The following MARCHF1 variants were observed in gnomAD, a reference collection of about 807,000 sequenced individuals.
The protein encoded by MARCHF1 is membrane associated ring-CH-type finger 1.
In MARCHF1, 40 loss-of-function variants were observed where a neutral mutation model predicts 54.2. The ratio of observed to expected loss-of-function variants is 0.74; its 90% CI spans 0.57 to 0.96. The LOEUF is 0.96. Among genes scored for constraint, MARCHF1 ranks in the 40% least tolerant of loss-of-function variants. The pLI is 0.00. For synonymous variants in MARCHF1, 236 were observed against 236.3 expected, an observed-to-expected ratio of 1.00 and a Z score of 0.01; for missense variants, 586 against 656.5, an observed-to-expected ratio of 0.89 and a Z score of 1.17.
intron 1 of MARCHF1, among the ~76,000 whole-genome samples, chr4:164,272,688 TATC>T (rs1733772189): frequency 6.6e-6 from 1 of 151,932 alleles, no homozygotes; most frequent in African/African-American, 2.4e-5. Flanking sequence ...AAAAAAATAG[TATC>T]ATATTCTTTA....
intron 1 of MARCHF1, among the ~76,000 whole-genome samples, chr4:164,230,496 G>C (rs1410125484): frequency 1.4e-5 from 2 of 140,062 alleles, no homozygotes; most frequent in East Asian, 2.0e-4. Context: ...CAGAGTAATT[G>C]AGATAACCAT....
At chr4:163,551,774 C>A (rs937414136) in intron 8 of MARCHF1, among the ~76,000 whole-genome samples, 2 of 152,126 alleles carry the variant, frequency 1.3e-5, no homozygotes, top group Non-Finnish European at 2.9e-5. Context: ...ATAAGTCTCA[C>A]GAGATCTGAT....
chr4:164,224,171 A>G (rs1732187108), intron 1 of MARCHF1, among the ~76,000 whole-genome samples: 1 of 151,476 alleles, frequency 6.6e-6, no homozygotes, highest in African/African-American at 2.4e-5. Context: ...TATTTTACAC[A>G]ATTCTATTTT....
chr4:163,824,878 G>GA (rs1748803018), intron 4 of MARCHF1, among the ~76,000 whole-genome samples: 1 of 136,104 alleles, frequency 7.3e-6, no homozygotes, highest in South Asian at 2.7e-4. Flanking sequence ...CAGCCAAAAA[G>GA]CACATGAAAA....
intron 5 of MARCHF1, among the ~76,000 whole-genome samples, chr4:163,700,236 G>A (rs898778722): frequency 6.6e-6 from 1 of 152,086 alleles, no homozygotes; most frequent in Non-Finnish European, 1.5e-5. Context: ...GCCAGACATG[G>A]TGGCTCACTC....
intron 8 of MARCHF1, among the ~76,000 whole-genome samples, chr4:163,575,567 G>A (rs1740008371): frequency 6.6e-6 from 1 of 152,036 alleles, no homozygotes; most frequent in South Asian, 2.1e-4. Context: ...TGGCTTCATA[G>A]AATGAGTTGG....
intron 1 of MARCHF1, among the ~76,000 whole-genome samples, chr4:164,362,203 T>C (rs1225711679): frequency 6.6e-6 from 1 of 152,168 alleles, no homozygotes; most frequent in African/African-American, 2.4e-5. Context: ...ATCTAAAACC[T>C]ACAGACATTT....
At chr4:163,773,973 T>C (rs1747233276) in intron 4 of MARCHF1, among the ~76,000 whole-genome samples, 1 of 151,968 alleles carries the variant, frequency 6.6e-6, no homozygotes, top group African/African-American at 2.4e-5. Context: ...CTGTTTTTTA[T>C]GCTTTTTGTT....
intron 8 of MARCHF1, among the ~76,000 whole-genome samples, chr4:163,566,949 A>G (rs915027642): frequency 1.3e-5 from 2 of 152,164 alleles, no homozygotes; most frequent in Non-Finnish European, 2.9e-5. Context: ...ACGTTCTTCT[A>G]CCTTATAAGT....
intron 1 of MARCHF1, among the ~76,000 whole-genome samples, chr4:164,261,328 C>T (rs1733457974): frequency 6.6e-6 from 1 of 152,094 alleles, no homozygotes; most frequent in Non-Finnish European, 1.5e-5. Context: ...TGATCATTGT[C>T]TCCAATTTCC....
chr4:164,132,184 C>T (rs555275155), intron 1 of MARCHF1, among the ~76,000 whole-genome samples: 5 of 152,104 alleles, frequency 3.3e-5, no homozygotes, highest in Admixed American at 6.6e-5. Context: ...TCTCCCTCCC[C>T]GTCTTCCTTC....
At chr4:163,917,949 T>C (rs113206845) in intron 3 of MARCHF1, among the ~76,000 whole-genome samples, 16,196 of 152,224 alleles carry the variant, frequency 0.11, 911 homozygotes, top group Non-Finnish European at 0.13. Flanking sequence ...TTTGGTGATT[T>C]CATCATGAAA....
At chr4:163,719,142 T>C (rs1177772124) in intron 4 of MARCHF1, among the ~76,000 whole-genome samples, 2 of 152,094 alleles carry the variant, frequency 1.3e-5, no homozygotes, top group Non-Finnish European at 2.9e-5. Context: ...TAACTCGTCA[T>C]GTACATTAGG....
intron 1 of MARCHF1, among the ~76,000 whole-genome samples, chr4:164,272,514 G>A (rs757349642): frequency 3.9e-5 from 6 of 151,980 alleles, no homozygotes; most frequent in Non-Finnish European, 5.9e-5. Context: ...AGAAGCTGAA[G>A]AAGAATATAT....
intron 1 of MARCHF1, among the ~76,000 whole-genome samples, chr4:164,213,136 G>GT (rs1731824075): frequency 6.6e-6 from 1 of 151,472 alleles, no homozygotes. Context: ...AGTGCCTATT[G>GT]TAAGTAATTC....
intron 5 of MARCHF1, among the ~76,000 whole-genome samples, chr4:163,689,293 C>A (rs1744367419): frequency 2.0e-5 from 3 of 152,182 alleles, no homozygotes; most frequent in Non-Finnish European, 4.4e-5. Flanking sequence ...AACATCATCA[C>A]ATATTGTCCA....
intron 1 of MARCHF1, among the ~76,000 whole-genome samples, chr4:164,139,550 G>A (rs1756476694): frequency 6.6e-6 from 1 of 151,734 alleles, no homozygotes; most frequent in Admixed American, 6.6e-5. Flanking sequence ...ACAACCTTCT[G>A]TCACAAAGGG....
intron 1 of MARCHF1, among the ~76,000 whole-genome samples, chr4:164,168,214 A>T (rs1013133137): frequency 6.6e-6 from 1 of 151,960 alleles, no homozygotes; most frequent in Non-Finnish European, 1.5e-5. Flanking sequence ...AGTTAAAACC[A>T]CTATGAGATA....
chr4:164,239,193 G>T (rs1292953919), intron 1 of MARCHF1, among the ~76,000 whole-genome samples: 8 of 151,878 alleles, frequency 5.3e-5, no homozygotes, highest in African/African-American at 1.9e-4. Context: ...GTGGACTTTG[G>T]TCCCATTTAA....
Sources: allele counts gnomAD v4.1 joint callset (sites outside exome capture counted in the v4.1 genomes callset), GRCh38; gene constraint gnomAD v4.1.1; transcripts MANE v1.5; gene names NCBI Gene and HGNC (gene_info 2026-07-23, HGNC 2026-07-21).